Variants in GPCPD1 observed in about 807,000 individuals in gnomAD.
The protein encoded by GPCPD1 is glycerophosphocholine phosphodiesterase 1.
Under a neutral mutation model 89.2 loss-of-function variants are expected in GPCPD1, and 29 were observed. The observed-to-expected ratio is 0.33, with a 90% CI of 0.24 to 0.44. The LOEUF is 0.44. GPCPD1 is among the 20% of genes least tolerant of loss of function. GPCPD1 has a pLI of 1.00. For synonymous variants in GPCPD1, 258 were observed against 266.3 expected, an observed-to-expected ratio of 0.97 and a Z score of 0.30; for missense variants, 594 against 808.9, an observed-to-expected ratio of 0.73 and a Z score of 3.22.
At chr20:5,562,238 T>C (rs575376282) in intron 15 of GPCPD1, among the ~76,000 whole-genome samples, 1 of 152,284 alleles carries the variant, frequency 6.6e-6, no homozygotes, top group African/African-American at 2.4e-5. Flanking sequence ...CCCAGACATA[T>C]ACATAAATAT....
chr20:5,575,545 ACTTTC>A lies in GPCPD1; in HGVS notation c.869-5_869-1del, dbSNP rs1399321456. 1 of 1,561,608 alleles carries A rather than the reference ACTTTC, an allele frequency of 6.4e-7. No homozygotes were observed. Among genetic ancestry groups the A allele is most frequent in the South Asian group, 1.1e-5 (1 of 87,040 alleles). Reference sequence around the variant, plus strand: ...TAATGGCTTAATAATTATATAGTCAACTTTCATAGGAAAAAAGAGGGAGGAACAAA... The same window carrying A: ...TAATGGCTTAATAATTATATAGTCAAATAGGAAAAAAGAGGGAGGAACAAA... On this transcript the variant is annotated splice_acceptor_variant and splice_polypyrimidine_tract_variant and intron_variant, in intron 9 of 19. Coordinates refer to ENST00000379019, the MANE Select transcript of GPCPD1 (RefSeq NM_019593.5). LOFTEE classifies it high-confidence loss of function.
chr20:5,569,060 T>C (rs1248017814), intron 12 of GPCPD1, among the ~76,000 whole-genome samples: 1 of 152,146 alleles, frequency 6.6e-6, no homozygotes, highest in Non-Finnish European at 1.5e-5. Flanking sequence ...ACTCTACTCA[T>C]GTAATCTGAA....
At chr20:5,594,138 T>C (rs919504865) in intron 3 of GPCPD1, among the ~76,000 whole-genome samples, 12 of 152,354 alleles carry the variant, frequency 7.9e-5, no homozygotes, top group African/African-American at 2.4e-4. Context: ...TAGCTTCAAA[T>C]AATAAACTAG....
intron 10 of GPCPD1, among the ~76,000 whole-genome samples, chr20:5,574,815 A>T (rs973579675): frequency 5.3e-5 from 8 of 152,172 alleles, no homozygotes; most frequent in Admixed American, 3.9e-4. Context: ...CCTTAAAATT[A>T]AAAAATCCTA....
intron 5 of GPCPD1, 184 bp downstream of exon 5, chr20:5,586,010 T>C (rs1439738030): frequency 1.4e-5 from 6 of 436,432 alleles, no homozygotes; most frequent in African/African-American, 6.1e-5. Flanking sequence ...ATAAAGTTTA[T>C]TTTAAGAGGC....
chr20:5,578,767 G>T (rs1455649420), intron 7 of GPCPD1, among the ~76,000 whole-genome samples, 156 bp from the exon 8 acceptor site: 1 of 152,120 alleles, frequency 6.6e-6, no homozygotes, highest in Non-Finnish European at 1.5e-5. Context: ...CATACTACAG[G>T]TTAAGGAATT....
chr20:5,563,612 T>C (rs557966123), intron 15 of GPCPD1, among the ~76,000 whole-genome samples: 1 of 150,404 alleles, frequency 6.6e-6, no homozygotes, highest in Admixed American at 6.6e-5. Context: ...GAGCTTAAAC[T>C]GTCTGCCTGC....
intron 2 of GPCPD1, among the ~76,000 whole-genome samples, chr20:5,601,402 T>TCCATCGC (rs1412478692): frequency 7.7e-6 from 1 of 129,208 alleles, no homozygotes; most frequent in South Asian, 2.7e-4. Flanking sequence ...GGAGTCTTGC[T>TCCATCGC]CCATCGCCCA....
At chr20:5,587,793 C>T (rs901362129) in intron 4 of GPCPD1, among the ~76,000 whole-genome samples, 2 of 152,026 alleles carry the variant, frequency 1.3e-5, no homozygotes, top group Non-Finnish European at 2.9e-5. Context: ...TGACGATAAG[C>T]CAAACAATAA....
rs569482250 is a variant in GPCPD1, at chr20:5,549,350, G to A, written c.1830-1500C>T. On this transcript the variant is annotated intron_variant, in intron 19 of 19. Transcript: ENST00000379019. ...GACTACTGAATGTGAAAACAGAGAAGCTGTTACACATATAGAGAGGGTATA... is the reference window on the plus strand; with the variant it reads ...GACTACTGAATGTGAAAACAGAGAAACTGTTACACATATAGAGAGGGTATA... The A allele has an allele frequency of 2.8e-4, 320 of 1,150,736 alleles. 2 individuals are homozygous for A. In the African/African-American group the frequency reaches 4.3e-3, roughly 16 times the overall value. The allele number at this position is 1,150,736 out of a possible 1,614,324, so 71.3% of individuals were successfully genotyped here. A position where few individuals can be genotyped will look rare whatever the true frequency, so the allele number is the denominator to read the frequency against.
chr20:5,558,752 C>T lies in GPCPD1; in HGVS notation c.1600G>A (p.Glu534Lys). The T allele has an allele frequency of 1.3e-6, 2 of 1,598,012 alleles. No homozygotes were observed. The highest frequency in any genetic ancestry group is 1.1e-5 in the South Asian group (1 of 89,334). ...GTCCGAGATCTGAGGTCCATGAGTT[C>T]AGGATAAATCTCAGATTTTCCTTGA... ...LTQGKSEIYP[E>K]LMDLRSRTTP... The change falls in exon 18 of 20, where the codon GAA becomes AAA. Residue 534 changes from glutamate (E) to lysine (K), a missense_variant. By Grantham distance (56) the Glu-to-Lys change is moderately conservative. Transcript: ENST00000379019.
rs150468905 is a variant in GPCPD1, at chr20:5,559,941, T to C, written c.1531A>G (p.Met511Val). 26 of 1,521,322 alleles carry C rather than the reference T, an allele frequency of 1.7e-5. No homozygotes were observed. In the African/African-American group the frequency reaches 2.7e-4, roughly 16 times the overall value. 94.2% of individuals were successfully genotyped at this position (1,521,322 alleles called of 1,614,324 possible). Residue 511 changes from methionine to valine, a missense_variant and splice_region_variant, in exon 17 of 20, where the codon ATG becomes GTG. By Grantham distance (21) the Met-to-Val change is conservative (BLOSUM62 1). Transcript: ENST00000379019. Reference protein sequence around the residue: ...FSSFDADICTMVRQKQNKYPI... With the variant: ...FSSFDADICTVVRQKQNKYPI... ...GAAAAAATACAGAGTATTACTCACA[T>C]TGTGCAAATATCTGCATCAAATGAA...
In GPCPD1 at chr20:5,547,219, C is replaced by T. The variant is rs1226894171; in HGVS notation, c.*442G>A. 5 of 152,556 alleles carry T rather than the reference C, an allele frequency of 3.3e-5. No homozygotes were observed. The highest frequency in any genetic ancestry group is 2.0e-4 in the Admixed American group (3 of 15,280). 9.5% of individuals were successfully genotyped at this position (152,556 alleles called of 1,614,324 possible). ...ATTTGTGCAGTTGGAATCACCAGTGCAAATGCATGCATTTGAGGTACTTAT... is the reference window on the plus strand; with the variant it reads ...ATTTGTGCAGTTGGAATCACCAGTGTAAATGCATGCATTTGAGGTACTTAT... On this transcript the variant is annotated 3_prime_UTR_variant, in exon 20 of 20. Coordinates refer to ENST00000379019, the MANE Select transcript of GPCPD1 (RefSeq NM_019593.5).
chr20:5,585,083 C>T (rs533489235), intron 5 of GPCPD1: 48 of 152,286 alleles, frequency 3.2e-4, no homozygotes, highest in African/African-American at 9.4e-4. Context: ...AGTATACATT[C>T]CTTTCTAAAA....
intron 16 of GPCPD1, among the ~76,000 whole-genome samples, chr20:5,560,938 T>C (rs1392541703): frequency 6.6e-6 from 1 of 152,234 alleles, no homozygotes; most frequent in African/African-American, 2.4e-5. Context: ...GACAAGGCCT[T>C]ATTCTCTTTT....
chr20:5,575,922 T>A lies in GPCPD1; in HGVS notation c.762A>T (p.Thr254=). The change falls in exon 9 of 20, where the codon ACA becomes ACT. Residue 254 remains threonine (T), a synonymous_variant. Coordinates refer to ENST00000379019, the MANE Select transcript of GPCPD1 (RefSeq NM_019593.5). ...QGDALPGHVG[T]ACLLSSTIAE... The stretch of plus-strand genomic sequence containing the variant: ...CAATGGTGGATGATAAGAGACAAGC[T>A]GTACCCACATGTCCAGGAAGGGCAT... The A allele has an allele frequency of 6.2e-7, 1 of 1,602,926 alleles. No individual in the cohort carries two copies. The highest frequency in any genetic ancestry group is 8.5e-7 in the Non-Finnish European group (1 of 1,169,990).
chr20:5,559,145 G>A (rs913502231), intron 17 of GPCPD1, among the ~76,000 whole-genome samples: 1 of 150,296 alleles, frequency 6.7e-6, no homozygotes, highest in Non-Finnish European at 1.5e-5. Flanking sequence ...AGGTTGCAGT[G>A]AGCCGAGATC....
Position 5,575,938 on chromosome 20 carries a change from GGAAGGGCATCACCCT to G in GPCPD1, c.731_745del (p.Gln244_Leu248del). On this transcript the variant is annotated inframe_deletion, in exon 9 of 20. Coordinates refer to ENST00000379019, the MANE Select transcript of GPCPD1 (RefSeq NM_019593.5). ...GAGACAAGCTGTACCCACATGTCCAGGAAGGGCATCACCCTGAACTACGTGCTCACTGAGATCTTC... is the reference window on the plus strand; with the variant it reads ...GAGACAAGCTGTACCCACATGTCCAGGAACTACGTGCTCACTGAGATCTTC... The G allele has an allele frequency of 6.2e-7, 1 of 1,604,534 alleles. No individual in the cohort carries two copies. Among genetic ancestry groups the G allele is most frequent in the Non-Finnish European group, 8.5e-7 (1 of 1,171,660 alleles).
chr20:5,563,977 C>T (rs962522758), intron 15 of GPCPD1, among the ~76,000 whole-genome samples: 1 of 152,130 alleles, frequency 6.6e-6, no homozygotes, highest in Admixed American at 6.5e-5. Flanking sequence ...AGAATTTCCA[C>T]ATAATAGTAA....
Sources: allele counts gnomAD v4.1 joint callset (sites outside exome capture counted in the v4.1 genomes callset), GRCh38; gene constraint gnomAD v4.1.1; transcripts MANE v1.5; gene names NCBI Gene and HGNC (gene_info 2026-07-23, HGNC 2026-07-21).